Variants in SUSD6 observed in about 807,000 individuals in gnomAD.
SUSD6 encodes the protein sushi domain-containing protein 6.
Under a neutral mutation model 28.4 loss-of-function variants are expected in SUSD6, and 16 were observed. That is an observed-to-expected ratio of 0.56 (90% CI 0.38 to 0.86). The LOEUF (loss-of-function observed/expected upper bound fraction) is 0.86, where lower values mean the gene tolerates loss of function less well. Among genes scored for constraint, SUSD6 ranks in the 40% least tolerant of loss-of-function variants. SUSD6 has a pLI of 0.00. For synonymous variants in SUSD6, 147 were observed against 159.6 expected, an observed-to-expected ratio of 0.92 and a Z score of 0.59; for missense variants, 341 against 384.2, an observed-to-expected ratio of 0.89 and a Z score of 0.94.
At chr14:69,696,257 AG>A (rs1886224013) in intron 2 of SUSD6, among the ~76,000 whole-genome samples, 1 of 152,192 alleles carries the variant, frequency 6.6e-6, no homozygotes, top group African/African-American at 2.4e-5. Context: ...AACTCAGTTA[AG>A]CCTTATTGTC....
intron 4 of SUSD6, among the ~76,000 whole-genome samples, chr14:69,706,897 A>G (rs977292404): frequency 1.3e-5 from 2 of 152,172 alleles, no homozygotes; most frequent in East Asian, 1.9e-4. Context: ...TCTTGAATTG[A>G]TGAGCTGAAA....
chr14:69,633,620 T>C (rs1255107989), intron 1 of SUSD6, among the ~76,000 whole-genome samples: 1 of 152,244 alleles, frequency 6.6e-6, no homozygotes, highest in Non-Finnish European at 1.5e-5. Flanking sequence ...AACTCACAAA[T>C]AGCTGCAGCT....
intron 2 of SUSD6, among the ~76,000 whole-genome samples, chr14:69,688,061 T>G (rs571470886): frequency 1.4e-4 from 22 of 152,326 alleles, no homozygotes; most frequent in African/African-American, 5.3e-4. Flanking sequence ...ACATCTAGCC[T>G]GCTTTTTGGT....
At chr14:69,639,096 C>T (rs150497736) in intron 1 of SUSD6, among the ~76,000 whole-genome samples, 228 of 152,120 alleles carry the variant, frequency 1.5e-3, no homozygotes, top group African/African-American at 5.4e-3. Flanking sequence ...GAGGCTGAGG[C>T]GGGTGGATCA....
At chr14:69,620,836 G>GA (rs557979432) in intron 1 of SUSD6, among the ~76,000 whole-genome samples, 9 of 152,200 alleles carry the variant, frequency 5.9e-5, no homozygotes, top group Admixed American at 2.6e-4. Flanking sequence ...TTAATTAAAA[G>GA]AAAAAAGGAG....
At chr14:69,700,560 T>C (rs1886299357) in intron 2 of SUSD6, among the ~76,000 whole-genome samples, 1 of 152,218 alleles carries the variant, frequency 6.6e-6, no homozygotes, top group African/African-American at 2.4e-5. Flanking sequence ...ACTGGGCTGC[T>C]TGCTGTTCTC....
chr14:69,682,802 C>G (rs956194750), intron 2 of SUSD6, among the ~76,000 whole-genome samples: 4 of 152,148 alleles, frequency 2.6e-5, no homozygotes, highest in Non-Finnish European at 5.9e-5. Flanking sequence ...ATGCTGAGTT[C>G]CACATCTGAT....
chr14:69,635,758 T>G (rs1566591605), intron 1 of SUSD6, among the ~76,000 whole-genome samples: 1 of 152,206 alleles, frequency 6.6e-6, no homozygotes, highest in South Asian at 2.1e-4. Flanking sequence ...AGCCCTAGAG[T>G]AAATCTTTTT....
At chr14:69,645,083 T>C (rs1885407795) in intron 1 of SUSD6, among the ~76,000 whole-genome samples, 1 of 152,144 alleles carries the variant, frequency 6.6e-6, no homozygotes, top group Admixed American at 6.6e-5. Context: ...GGAGGAATCA[T>C]GGTTTGGTTA....
chr14:69,664,521 A>C (rs1297143800), intron 2 of SUSD6, among the ~76,000 whole-genome samples: 1 of 152,176 alleles, frequency 6.6e-6, no homozygotes, highest in Non-Finnish European at 1.5e-5. Context: ...TATAAAAAAA[A>C]CTTAGAGATT....
intron 2 of SUSD6, among the ~76,000 whole-genome samples, chr14:69,682,533 C>G (rs1886011494): frequency 6.6e-6 from 1 of 151,930 alleles, no homozygotes; most frequent in Admixed American, 6.6e-5. Flanking sequence ...AAATTTAAAA[C>G]TCTCCCCAAT....
chr14:69,618,324 C>G (rs1884988186), intron 1 of SUSD6, among the ~76,000 whole-genome samples: 1 of 152,140 alleles, frequency 6.6e-6, no homozygotes, highest in Non-Finnish European at 1.5e-5. Flanking sequence ...CCTGAGATAC[C>G]TGATTATGTA....
intron 4 of SUSD6, among the ~76,000 whole-genome samples, chr14:69,705,342 A>C (rs367740175): frequency 3.0e-4 from 45 of 150,870 alleles, no homozygotes; most frequent in Non-Finnish European, 4.9e-4. Context: ...ACAAAAAAAA[A>C]CGGAAATCTG....
intron 2 of SUSD6, among the ~76,000 whole-genome samples, chr14:69,689,775 C>T (rs1886127930): frequency 6.6e-6 from 1 of 152,214 alleles, no homozygotes; most frequent in Non-Finnish European, 1.5e-5. Flanking sequence ...AAGCAATTCT[C>T]ATGACAAGCC....
At chr14:69,644,190 T>A (rs1296166540) in intron 1 of SUSD6, among the ~76,000 whole-genome samples, 1 of 152,206 alleles carries the variant, frequency 6.6e-6, no homozygotes, top group African/African-American at 2.4e-5. Context: ...ATGTATGTGT[T>A]GAATAGTCAC....
intron 1 of SUSD6, among the ~76,000 whole-genome samples, chr14:69,654,108 C>T (rs1351307763): frequency 1.3e-5 from 2 of 152,226 alleles, no homozygotes; most frequent in Non-Finnish European, 2.9e-5. Context: ...ACTCAGGTAG[C>T]TGCTTAAGCA....
intron 1 of SUSD6, among the ~76,000 whole-genome samples, chr14:69,653,509 T>C (rs528699018): frequency 6.6e-6 from 1 of 152,204 alleles, no homozygotes; most frequent in Non-Finnish European, 1.5e-5. Flanking sequence ...ACTGAGTCAT[T>C]GAGGCCCTCT....
intron 1 of SUSD6, among the ~76,000 whole-genome samples, chr14:69,633,017 A>G (rs550793799): frequency 1.3e-5 from 2 of 152,306 alleles, no homozygotes; most frequent in African/African-American, 4.8e-5. Context: ...CGGTGAGACT[A>G]GGTAAGAGAA....
At position 69,703,458 on chromosome 14, in the gene SUSD6, AC is replaced by A; in HGVS notation, c.190del (p.Leu64Ter). On this transcript the variant is annotated frameshift_variant, in exon 3 of 6. Coordinates refer to ENST00000342745, the MANE Select transcript of SUSD6 (RefSeq NM_014734.4). LOFTEE classifies it high-confidence loss of function. ...ATCTGCCACCCCCGGCCCTGCAGAG[AC>A]CCCCTGACAGCAGGCAGTGTCATCG... ...GYICHPRPCR[D>X]PLTAGSVIEY... 6.2e-7 allele frequency: 1 copy of A among 1,613,584 alleles called. No homozygotes were observed. Among genetic ancestry groups the A allele is most frequent in the Non-Finnish European group, 8.5e-7 (1 of 1,179,896 alleles).
Sources: gnomAD v4.1 joint callset for allele counts (sites outside exome capture counted in the v4.1 genomes callset) on GRCh38, gnomAD v4.1.1 for gene constraint, MANE v1.5 for transcripts, NCBI Gene and HGNC (gene_info 2026-07-23, HGNC 2026-07-21) for gene names.